Variants in NCOR1 observed in about 807,000 individuals in gnomAD.
The protein encoded by NCOR1 is protein phosphatase 1, regulatory subunit 109.
In NCOR1, 63 loss-of-function variants were observed where a neutral mutation model predicts 288.1. The ratio of observed to expected loss-of-function variants is 0.22; its 90% CI spans 0.18 to 0.27. The LOEUF (loss-of-function observed/expected upper bound fraction) is 0.27. NCOR1 is among the 10% of genes least tolerant of loss of function. The pLI is 1.00. For missense variants in NCOR1, 2,397 were observed against 3,019.2 expected, an observed-to-expected ratio of 0.79 and a Z score of 4.83; for synonymous variants, 1,007 against 1,065.9, an observed-to-expected ratio of 0.94 and a Z score of 1.08.
chr17:16,092,826 G>A (rs1216944319), intron 21 of NCOR1, among the ~76,000 whole-genome samples: 2 of 148,498 alleles, frequency 1.3e-5, no homozygotes, highest in African/African-American at 5.0e-5. Flanking sequence ...AGCCTCCCAA[G>A]TAGCTGGGAT....
chr17:16,151,389 C>T (rs1242514992), intron 8 of NCOR1, among the ~76,000 whole-genome samples: 4 of 152,120 alleles, frequency 2.6e-5, no homozygotes, highest in Admixed American at 2.0e-4. Flanking sequence ...TGACTGAGCG[C>T]TTCCAAGGCA....
chr17:16,062,248 A>C lies in NCOR1; in HGVS notation c.5244T>G (p.Pro1748=). 1 of 1,610,070 alleles carries C rather than the reference A, an allele frequency of 6.2e-7. No homozygotes were observed. Among genetic ancestry groups the C allele is most frequent in the Non-Finnish European group, 8.5e-7 (1 of 1,179,220 alleles). The change falls in exon 36 of 46, where the codon CCT becomes CCG. Residue 1748 remains proline (P), a synonymous_variant. Coordinates refer to ENST00000268712, the MANE Select transcript of NCOR1 (RefSeq NM_006311.4). The stretch of plus-strand genomic sequence containing the variant: ...GGGAGCGAACATATCCATGACTGCC[A>C]GGTCGGCCAGGCTGTTCTGAGCCTG... The part of the protein sequence containing the change: ...LRPGSEQPGR[P]GSHGYVRSPS...
At chr17:16,161,281 C>CTGTTTT (rs10557510) in intron 5 of NCOR1, among the ~76,000 whole-genome samples, 11 of 149,766 alleles carry the variant, frequency 7.3e-5, no homozygotes, top group Admixed American at 1.3e-4. Context: ...ACTCCCTCAC[C>CTGTTTT]TGTTTTTGTT....
At chr17:16,100,854 G>A (rs2067491416) in intron 20 of NCOR1, among the ~76,000 whole-genome samples, 1 of 152,172 alleles carries the variant, frequency 6.6e-6, no homozygotes, top group African/African-American at 2.4e-5. Context: ...GGTAGGCCTT[G>A]TTTTGAGGTT....
rs553093951 is a variant in NCOR1, at chr17:16,058,312, A to T, written c.6010+159T>A. On this transcript the variant is annotated intron_variant, in intron 38 of 45. Coordinates refer to ENST00000268712, the MANE Select transcript of NCOR1 (RefSeq NM_006311.4). ...AAACAATTTTCTGTATCATTAAAAA[A>T]TAAAAAAGAATCGATTGCTGTTTCT... 9.0e-4 allele frequency: 915 copies of T among 1,018,726 alleles called. 8 individuals are homozygous for T. The highest frequency in any genetic ancestry group is 3.5e-4 in the East Asian group (13 of 37,622). 63.1% of individuals were successfully genotyped at this position (1,018,726 alleles called of 1,614,324 possible). A position where few individuals can be genotyped will look rare whatever the true frequency, so the allele number is the denominator to read the frequency against.
chr17:16,055,074 T>C (rs2059760458), intron 40 of NCOR1, among the ~76,000 whole-genome samples: 1 of 152,194 alleles, frequency 6.6e-6, no homozygotes, highest in Non-Finnish European at 1.5e-5. Flanking sequence ...ACACTGTTGG[T>C]GGGAGTGTAA....
intron 3 of NCOR1, among the ~76,000 whole-genome samples, chr17:16,176,546 G>C (rs1057288690): frequency 6.6e-6 from 1 of 152,174 alleles, no homozygotes; most frequent in Admixed American, 6.5e-5. Context: ...TGGGACTGCA[G>C]GTGTGAGCCA....
chr17:16,045,029 G>A, intron 42 of NCOR1: 1 of 422,626 alleles, frequency 2.4e-6, no homozygotes, highest in East Asian at 5.0e-5. Flanking sequence ...ACCAGACTAT[G>A]GTCTACCCAA....
intron 3 of NCOR1, among the ~76,000 whole-genome samples, chr17:16,180,025 C>T (rs946994694): frequency 4.0e-5 from 6 of 150,126 alleles, no homozygotes; most frequent in Admixed American, 2.0e-4. Context: ...CAACACATCA[C>T]GAAGATTACA....
At chr17:16,099,220 G>A (rs1221139200) in intron 20 of NCOR1, among the ~76,000 whole-genome samples, 4 of 152,116 alleles carry the variant, frequency 2.6e-5, no homozygotes, top group African/African-American at 9.7e-5. Flanking sequence ...TCCACCGGCT[G>A]ATGTTGCCCA....
At chr17:16,123,002 A>G (rs570641211) in intron 15 of NCOR1, among the ~76,000 whole-genome samples, 12 of 152,240 alleles carry the variant, frequency 7.9e-5, no homozygotes, top group South Asian at 6.2e-4. Flanking sequence ...ACCCATTCTC[A>G]TAAGTTCTAC....
At chr17:16,060,636 T>C (rs1376716014) in intron 37 of NCOR1, among the ~76,000 whole-genome samples, 3 of 152,168 alleles carry the variant, frequency 2.0e-5, no homozygotes, top group Admixed American at 6.5e-5. Flanking sequence ...TCAAAAGAAC[T>C]GCACATTGCA....
rs919710957 is a variant in NCOR1 at position 16,031,675 on chromosome 17, A to G, written c.*621T>C. ...TTTGTTACTTTTACCTTTTGACCCTAATGTACAGATTTTATGACAGGGTCT... is the reference window on the plus strand; with the variant it reads ...TTTGTTACTTTTACCTTTTGACCCTGATGTACAGATTTTATGACAGGGTCT... On this transcript the variant is annotated 3_prime_UTR_variant, in exon 46 of 46. Transcript: ENST00000268712. 3.1e-5 allele frequency: 7 copies of G among 227,426 alleles called. No individual in the cohort carries two copies. The highest frequency in any genetic ancestry group is 6.1e-5 in the Non-Finnish European group (7 of 114,504). 14.1% of individuals were successfully genotyped at this position (227,426 alleles called of 1,614,324 possible).
intron 19 of NCOR1, among the ~76,000 whole-genome samples, chr17:16,106,635 A>G (rs1035450901): frequency 6.6e-6 from 1 of 151,910 alleles, no homozygotes. Context: ...GCCACACAAT[A>G]AACAGTGCAT....
chr17:16,153,318 G>A (rs2153389804), intron 7 of NCOR1, 21 bp downstream of exon 7: 3 of 1,531,452 alleles, frequency 2.0e-6, no homozygotes, highest in South Asian at 1.2e-5. Context: ...AAAATCACTG[G>A]AAATGAAAAA....
At chr17:16,168,844 G>A (rs76149716) in intron 4 of NCOR1, among the ~76,000 whole-genome samples, 2 of 151,684 alleles carry the variant, frequency 1.3e-5, no homozygotes, top group South Asian at 2.1e-4. Flanking sequence ...GGTGGCGTGC[G>A]CCTGTAGTCC....
At chr17:16,068,629 C>T (rs1453450738) in intron 31 of NCOR1, among the ~76,000 whole-genome samples, 1 of 152,098 alleles carries the variant, frequency 6.6e-6, no homozygotes, top group East Asian at 1.9e-4. Context: ...ACTCCAGCCT[C>T]TCTTCTCTTA....
intron 3 of NCOR1, among the ~76,000 whole-genome samples, chr17:16,174,090 T>C (rs1436864126): frequency 1.3e-5 from 2 of 152,224 alleles, no homozygotes; most frequent in East Asian, 1.9e-4. Flanking sequence ...AATTCATATG[T>C]TGGAAGATAA....
chr17:16,049,863 T>A (rs1427561282), intron 40 of NCOR1, among the ~76,000 whole-genome samples: 1 of 152,008 alleles, frequency 6.6e-6, no homozygotes, highest in East Asian at 1.9e-4. Flanking sequence ...AGGCCTGAGC[T>A]ACCGCACCTG....
Sources: allele counts gnomAD v4.1 joint callset (sites outside exome capture counted in the v4.1 genomes callset), GRCh38; gene constraint gnomAD v4.1.1; transcripts MANE v1.5; gene names NCBI Gene and HGNC (gene_info 2026-07-23, HGNC 2026-07-21).